CCDC73: variants seen among roughly 807,000 people sequenced by gnomAD.
CCDC73 encodes the protein coiled-coil domain-containing protein 73.
CCDC73 carries 95 observed loss-of-function variants against 116.5 expected under a neutral mutation model. The ratio of observed to expected loss-of-function variants is 0.82; its 90% CI spans 0.69 to 0.97. CCDC73 has a LOEUF of 0.97. Ranked by LOEUF, CCDC73 falls within the 50% of genes least tolerant of loss-of-function variation. CCDC73 has a pLI of 0.00. For synonymous variants in CCDC73, 398 were observed against 401.3 expected (o/e 0.99, Z 0.10); for missense variants, 1,066 against 1,206.8 (o/e 0.88, Z 1.73).
intron 17 of CCDC73, among the ~76,000 whole-genome samples, chr11:32,606,583 T>G (rs914261519): frequency 6.6e-6 from 1 of 152,206 alleles, no homozygotes; most frequent in Non-Finnish European, 1.5e-5. Flanking sequence ...TGAATTGAGT[T>G]TGTTTTATAT....
chr11:32,749,822 A>T (rs1218371488), intron 2 of CCDC73, among the ~76,000 whole-genome samples: 1 of 151,554 alleles, frequency 6.6e-6, no homozygotes, highest in Non-Finnish European at 1.5e-5. Context: ...GATCCAGAAG[A>T]ATTATCTGAA....
intron 2 of CCDC73, among the ~76,000 whole-genome samples, chr11:32,732,034 A>G (rs2133346242): frequency 6.6e-6 from 1 of 152,322 alleles, no homozygotes; most frequent in East Asian, 1.9e-4. Context: ...AGATTGGACG[A>G]ATGGCTAACT....
At chr11:32,823,461 G>A in the CCDC73 span, among the ~76,000 whole-genome samples, 16 of 152,204 alleles carry the variant, frequency 1.1e-4, no homozygotes, top group South Asian at 1.4e-3. Flanking sequence ...GCGACAGAGC[G>A]AGACTCTGTC....
At chr11:32,659,356 T>A (rs1855901414) in intron 9 of CCDC73, among the ~76,000 whole-genome samples, 1 of 152,042 alleles carries the variant, frequency 6.6e-6, no homozygotes, top group Non-Finnish European at 1.5e-5. Context: ...TTAAGAGAAA[T>A]GTGAGATTGA....
intron 14 of CCDC73, among the ~76,000 whole-genome samples, chr11:32,632,413 G>A (rs1234385324): frequency 6.6e-6 from 1 of 152,024 alleles, no homozygotes. Flanking sequence ...TTTAATAGAG[G>A]CGGGCTTTTG....
the CCDC73 span, among the ~76,000 whole-genome samples, chr11:32,801,795 A>G: frequency 7.9e-5 from 12 of 152,336 alleles, no homozygotes; most frequent in Admixed American, 3.3e-4. Context: ...AGACATCCAC[A>G]TGGAAAAGTC....
intron 9 of CCDC73, among the ~76,000 whole-genome samples, chr11:32,655,323 T>C (rs1855862165): frequency 6.6e-6 from 1 of 152,168 alleles, no homozygotes; most frequent in South Asian, 2.1e-4. Context: ...TTTATTAGCC[T>C]CTAATAGGAA....
chr11:32,673,389 T>C (rs1292133109), intron 9 of CCDC73, among the ~76,000 whole-genome samples: 1 of 152,062 alleles, frequency 6.6e-6, no homozygotes, highest in Non-Finnish European at 1.5e-5. Flanking sequence ...AAATAGTTTA[T>C]TAATTAAAAT....
chr11:32,734,546 G>A (rs1197921829), intron 2 of CCDC73, among the ~76,000 whole-genome samples: 1 of 151,528 alleles, frequency 6.6e-6, no homozygotes, highest in Non-Finnish European at 1.5e-5. Context: ...AAGGTCTCTG[G>A]TTTTCCTAGG....
chr11:32,789,511 C>T (rs1427339576), intron 1 of CCDC73, among the ~76,000 whole-genome samples: 1 of 152,128 alleles, frequency 6.6e-6, no homozygotes, highest in Non-Finnish European at 1.5e-5. Flanking sequence ...TGGCTCAGTC[C>T]TGTAATCCCA....
chr11:32,701,463 A>G (rs1475879748), intron 4 of CCDC73, among the ~76,000 whole-genome samples: 1 of 152,130 alleles, frequency 6.6e-6, no homozygotes, highest in Non-Finnish European at 1.5e-5. Flanking sequence ...TACTTTGGGA[A>G]GCTGAGGCAA....
rs1435610357 is a variant in CCDC73 at position 32,654,118 on chromosome 11, G to A, written c.775-81C>T. The A allele has an allele frequency of 3.1e-6, 4 of 1,304,170 alleles. No homozygotes were observed. In the African/African-American group the frequency reaches 6.0e-5, roughly 19 times the overall value. 80.8% of individuals were successfully genotyped at this position (1,304,170 alleles called of 1,614,324 possible). Reference sequence around the variant, plus strand: ...TCAATTCAGTACTAAACAAATTTTGGAGTGTTATGACCTATTCCTACCCCC... The same window carrying A: ...TCAATTCAGTACTAAACAAATTTTGAAGTGTTATGACCTATTCCTACCCCC... On this transcript the variant is annotated intron_variant, in intron 10 of 17. Coordinates refer to ENST00000335185, the MANE Select transcript of CCDC73 (RefSeq NM_001008391.4).
chr11:32,656,240 G>C (rs538152787), intron 9 of CCDC73, among the ~76,000 whole-genome samples: 1 of 152,136 alleles, frequency 6.6e-6, no homozygotes, highest in East Asian at 1.9e-4. Flanking sequence ...ACCACGCCCG[G>C]CTAATTTTTT....
At chr11:32,646,596 A>G (rs1340256307) in intron 12 of CCDC73, among the ~76,000 whole-genome samples, 1 of 152,034 alleles carries the variant, frequency 6.6e-6, no homozygotes, top group Non-Finnish European at 1.5e-5. Flanking sequence ...TTGTGTTACC[A>G]CTCTCATTCT....
the CCDC73 span, among the ~76,000 whole-genome samples, chr11:32,820,252 C>T: frequency 6.6e-6 from 1 of 152,092 alleles, no homozygotes; most frequent in South Asian, 2.1e-4. Context: ...CTCCCAGGCT[C>T]AAGCAATCCT....
At position 32,616,136 on chromosome 11, in the gene CCDC73, T is replaced by C; in HGVS notation, c.1186-7A>G. ...TATTTACTTCTGGAACATTCTAGTG[T>C]AAAATGGAAGAGATTCTTTTAAAAA... is the stretch of plus-strand genomic sequence containing the variant. On this transcript the variant is annotated splice_polypyrimidine_tract_variant and splice_region_variant and intron_variant, in intron 14 of 17. Transcript: ENST00000335185. 6.4e-7 allele frequency: 1 copy of C among 1,557,972 alleles called. No homozygotes were observed.
chr11:32,616,866 T>C (rs893392186), intron 14 of CCDC73, among the ~76,000 whole-genome samples: 17 of 152,132 alleles, frequency 1.1e-4, no homozygotes, highest in Admixed American at 6.6e-4. Flanking sequence ...TGCTCTGATA[T>C]GGATAAATGC....
intron 1 of CCDC73, among the ~76,000 whole-genome samples, chr11:32,777,934 T>C (rs1850551698): frequency 6.6e-6 from 1 of 152,204 alleles, no homozygotes; most frequent in Non-Finnish European, 1.5e-5. Flanking sequence ...GCATTTGTTA[T>C]GTGACTTGGT....
the CCDC73 span, among the ~76,000 whole-genome samples, chr11:32,804,469 T>C: frequency 6.6e-6 from 1 of 152,210 alleles, no homozygotes; most frequent in African/African-American, 2.4e-5. Flanking sequence ...AGTCAGGAGT[T>C]TTCTTTACAA....
Sources: gnomAD v4.1 joint callset for allele counts (sites outside exome capture counted in the v4.1 genomes callset) on GRCh38, gnomAD v4.1.1 for gene constraint, MANE v1.5 for transcripts, NCBI Gene and HGNC (gene_info 2026-07-23, HGNC 2026-07-21) for gene names.